Variants in SON observed in about 807,000 individuals in gnomAD.
The protein encoded by SON is SON DNA and RNA binding protein, also known as protein SON.
Under a neutral mutation model 173.3 loss-of-function variants are expected in SON, and 4 were observed. The ratio of observed to expected loss-of-function variants is 0.02; its 90% CI spans 0.01 to 0.05. SON has a LOEUF of 0.05. SON is among the 10% of genes least tolerant of loss of function. The probability of loss-of-function intolerance (pLI) is 1.00; values close to 1 mark genes in which losing one functional copy is unlikely to be tolerated. For missense variants in SON, 2,626 were observed against 3,055.3 expected (o/e 0.86, Z 3.31); for synonymous variants, 1,190 against 1,105.9 (o/e 1.08, Z -1.51).
At chr21:33,568,822 T>C (rs1237405055) in intron 7 of SON, 149 bp from the exon 8 acceptor site, 2 of 546,700 alleles carry the variant, frequency 3.7e-6, no homozygotes, top group Admixed American at 3.4e-5. Context: ...ACTGCTTCTT[T>C]AGAAAGTTTA....
chr21:33,575,002 TAA>T (rs374045687), intron 9 of SON, among the ~76,000 whole-genome samples: 77 of 152,284 alleles, frequency 5.1e-4, no homozygotes, highest in African/African-American at 1.8e-3. Flanking sequence ...CTTATTTTTT[TAA>T]GAGACAGTAA....
rs752342398 is a variant in SON, at chr21:33,555,335, G to A, written c.6104G>A (p.Arg2035His). The change falls in exon 3 of 12, where the codon CGT becomes CAT. Residue 2035 changes from arginine to histidine, a missense_variant. Physicochemically the swap from Arg to His is conservative, Grantham distance 29. Coordinates refer to ENST00000356577, the MANE Select transcript of SON (RefSeq NM_138927.4). Reference sequence around the variant, plus strand: ...AGGTTTAGCAGATCTCCCATCCGTCGTAAAAGATCCAGGTCTTCTGAACGA... The same window carrying A: ...AGGTTTAGCAGATCTCCCATCCGTCATAAAAGATCCAGGTCTTCTGAACGA... ...RRRFSRSPIR[R>H]KRSRSSERGR... 73 of 1,597,072 alleles carry A rather than the reference G, an allele frequency of 4.6e-5. No individual in the cohort carries two copies. The highest frequency in any genetic ancestry group is 1.7e-4 in the Admixed American group (10 of 57,884).
chr21:33,554,240 CTAA>C lies in SON; in HGVS notation c.5016_5018del (p.Asn1673del), dbSNP rs746952392. ...AAAGATATTCATCTTGATTTACCAT[CTAA>C]TAATAACCTTGTTAGTAAGGATACA... On this transcript the variant is annotated inframe_deletion, in exon 3 of 12. Coordinates refer to ENST00000356577, the MANE Select transcript of SON (RefSeq NM_138927.4). The C allele has an allele frequency of 1.2e-5, 20 of 1,613,914 alleles. No homozygotes were observed. In the Middle Eastern group the frequency reaches 6.6e-4, roughly 53 times the overall value.
At position 33,554,017 on chromosome 21, in the gene SON, A is replaced by T. The variant is rs112659554; in HGVS notation, c.4786A>T (p.Thr1596Ser). The change falls in exon 3 of 12, where the codon ACT (threonine) becomes TCT (serine). Residue 1596 changes from threonine to serine, a missense_variant. This residue lies in a region of SON where 1,006 missense variants were observed against 895.6 expected (regional missense o/e 1.12). Coordinates refer to ENST00000356577, the MANE Select transcript of SON (RefSeq NM_138927.4). ...EADAGETLSS[T>S]GPFALEPDAT... is the part of the protein sequence containing the mutation. ...TGATGCAGGAGAAACTCTATCTTCT[A>T]CTGGTCCTTTTGCTCTGGAACCTGA... The T allele has an allele frequency of 9.3e-6, 15 of 1,614,094 alleles. No homozygotes were observed. The highest frequency in any genetic ancestry group is 4.0e-5 in the African/African-American group (3 of 75,040).
At chr21:33,557,758 C>T in intron 4 of SON, 5 of 1,377,050 alleles carry the variant, frequency 3.6e-6, no homozygotes, top group Non-Finnish European at 3.8e-6. Flanking sequence ...GAATAGCTGG[C>T]CATTGCCTGA....
chr21:33,550,186 G>C lies in SON; in HGVS notation c.955G>C (p.Glu319Gln), dbSNP rs767401593. 3.7e-5 allele frequency: 60 copies of C among 1,614,230 alleles called. No individual in the cohort carries two copies. The Admixed American group carries it at 8.7e-4, about 23-fold the overall frequency. ...AGAGACACCTACTGAGGTGTACCCT[G>C]AGCCAAGCACATCAACAACAATGGA... ...SSETPTEVYP[E>Q]PSTSTTMDFP... The change falls in exon 3 of 12, where the codon GAG (glutamate) becomes CAG (glutamine). Residue 319 changes from glutamate to glutamine, a missense_variant. This residue lies in a region of SON where 757 missense variants were observed against 730.1 expected (regional missense o/e 1.04). Transcript: ENST00000356577.
At chr21:33,556,049 C>T (rs7281554) in intron 3 of SON, among the ~76,000 whole-genome samples, 72,347 of 152,058 alleles carry the variant, frequency 0.48, 18,551 homozygotes, top group African/African-American at 0.67. Context: ...AAAACTTGAT[C>T]GATATGAATG....
At chr21:33,558,992 A>G (rs1316592234) in intron 4 of SON, 1 of 230,562 alleles carries the variant, frequency 4.3e-6, no homozygotes, top group Non-Finnish European at 7.6e-6. Flanking sequence ...TGTATTCCCC[A>G]GACAGTGCCC....
Position 33,552,858 on chromosome 21 carries a change from G to A in SON, c.3627G>A (p.Ser1209=), listed in dbSNP as rs137934017. 1.9e-5 allele frequency: 31 copies of A among 1,613,850 alleles called. No homozygotes were observed. The highest frequency in any genetic ancestry group is 1.3e-4 in the East Asian group (6 of 44,882). The change falls in exon 3 of 12, where the codon TCG becomes TCA. Residue 1209 remains serine, a synonymous_variant. Coordinates refer to ENST00000356577, the MANE Select transcript of SON (RefSeq NM_138927.4). This position sits in a 1 kb window ranked among gnomAD's most constrained non-coding sequence, Gnocchi z 5.6. ...CATCACCATCTGAAGAGTCTGTATC[G>A]CAGCCTGAGCCTCCTGTGAGTCAAA... ...VPSSPSEESV[S]QPEPPVSQSE... is the part of the protein sequence containing the mutation.
chr21:33,565,910 T>C (rs911688367), intron 6 of SON, among the ~76,000 whole-genome samples: 1 of 152,192 alleles, frequency 6.6e-6, no homozygotes, highest in East Asian at 1.9e-4. Context: ...CTAAGAATTA[T>C]GGAGGATTAG....
At chr21:33,543,510 T>C in intron 1 of SON, 1 of 275,160 alleles carries the variant, frequency 3.6e-6, no homozygotes, top group Non-Finnish European at 7.0e-6. Context: ...CTTCCTCAGC[T>C]CCTCCTCCGC....
chr21:33,562,269 G>T (rs1351876953), intron 6 of SON, among the ~76,000 whole-genome samples: 2 of 152,134 alleles, frequency 1.3e-5, no homozygotes, highest in African/African-American at 4.8e-5. Flanking sequence ...AACACTTCGT[G>T]GGAGCATTAA....
Position 33,553,998 on chromosome 21 carries a change from A to C in SON, c.4767A>C (p.Ala1589=). ...ACCCTGGTGTTAGTGAAGCTGATGC[A>C]GGAGAAACTCTATCTTCTACTGGTC... ...DTYPGVSEAD[A]GETLSSTGPF... The change falls in exon 3 of 12, where the codon GCA becomes GCC. Residue 1589 remains alanine (A), a synonymous_variant. Coordinates refer to ENST00000356577, the MANE Select transcript of SON (RefSeq NM_138927.4). 1 of 1,614,198 alleles carries C rather than the reference A, an allele frequency of 6.2e-7. No homozygotes were observed. Among genetic ancestry groups the C allele is most frequent in the Non-Finnish European group, 8.5e-7 (1 of 1,180,030 alleles).
intron 1 of SON, 91 bp downstream of exon 1, chr21:33,543,260 C>G (rs766072103): frequency 3.5e-5 from 44 of 1,269,478 alleles, no homozygotes; most frequent in Admixed American, 5.2e-5. Context: ...CGCAGTCGTT[C>G]CCCGGCTCAG....
chr21:33,555,465 C>T (rs551793442), intron 3 of SON, 74 bp downstream of exon 3: 33 of 1,326,856 alleles, frequency 2.5e-5, no homozygotes, highest in Non-Finnish European at 2.6e-5. Flanking sequence ...GACCTTGAGT[C>T]AAGTGAAATA....
chr21:33,573,214 A>G, intron 8 of SON, 94 bp from the exon 9 acceptor site: 1 of 1,029,440 alleles, frequency 9.7e-7, no homozygotes, highest in South Asian at 1.5e-5. Flanking sequence ...TCTAGAAGTA[A>G]AGTAAGATTC....
chr21:33,557,483 C>T, intron 4 of SON, 167 bp downstream of exon 4: 3 of 1,550,314 alleles, frequency 1.9e-6, no homozygotes, highest in Non-Finnish European at 8.7e-7. Context: ...TTTAGCAGGC[C>T]ATTATCCGGG....
chr21:33,547,837 C>G (rs1253955239), intron 2 of SON, among the ~76,000 whole-genome samples: 1 of 150,562 alleles, frequency 6.6e-6, no homozygotes, highest in African/African-American at 2.4e-5. Context: ...GCCTCAGCCT[C>G]CGGAGTAGCT....
chr21:33,556,934 C>T (rs2145844919), intron 3 of SON, among the ~76,000 whole-genome samples: 2 of 151,490 alleles, frequency 1.3e-5, no homozygotes, highest in African/African-American at 4.8e-5. Flanking sequence ...CTGAATGAGG[C>T]CACTGCTGAA....
Sources: allele counts gnomAD v4.1 joint callset (sites outside exome capture counted in the v4.1 genomes callset), GRCh38; gene constraint gnomAD v4.1.1; regional missense constraint gnomAD v4.1.1; non-coding constraint Gnocchi (gnomAD v3.1); transcripts MANE v1.5; gene names NCBI Gene and HGNC (gene_info 2026-07-23, HGNC 2026-07-21).